MAN1A1: variants seen among roughly 807,000 people sequenced by gnomAD.
MAN1A1 encodes mannosidase alpha class 1A member 1.
Under a neutral mutation model 70.8 loss-of-function variants are expected in MAN1A1, and 29 were observed. The ratio of observed to expected loss-of-function variants is 0.41; its 90% confidence interval spans 0.31 to 0.56. The LOEUF is 0.56. MAN1A1 is among the 20% of genes least tolerant of loss of function. The pLI is 0.29. For synonymous variants in MAN1A1, 349 were observed against 330.1 expected (o/e 1.06, Z -0.62); for missense variants, 747 against 841.3 (o/e 0.89, Z 1.39).
Position 119,188,295 on chromosome 6 carries a change from G to A in MAN1A1, c.1719+110C>T, listed in dbSNP as rs937110070. ...ACAGTCCTGGGTGGAAAAAATCCTG[G>A]TCGAAGCATTAAAAATTATAGAAAA... On this transcript the variant is annotated intron_variant, in intron 11 of 12. Coordinates refer to ENST00000368468, the MANE Select transcript of MAN1A1 (RefSeq NM_005907.4). 34 of 1,029,456 alleles carry A rather than the reference G, an allele frequency of 3.3e-5. 1 individual carries two copies. In the East Asian group the frequency reaches 8.3e-4, roughly 25 times the overall value. The allele number at this position is 1,029,456 out of a possible 1,614,324, so 63.8% of individuals were successfully genotyped here. A position where few individuals can be genotyped will look rare whatever the true frequency, so the allele number is the denominator to read the frequency against.
intron 9 of MAN1A1, among the ~76,000 whole-genome samples, chr6:119,192,799 T>C (rs1773475424): frequency 2.0e-5 from 3 of 152,194 alleles, no homozygotes; most frequent in Admixed American, 2.0e-4. Flanking sequence ...CTAAAAAATT[T>C]TGTTCCTGAA....
At chr6:119,263,600 T>C (rs1775671605) in intron 5 of MAN1A1, among the ~76,000 whole-genome samples, 1 of 152,176 alleles carries the variant, frequency 6.6e-6, no homozygotes, top group Admixed American at 6.5e-5. Flanking sequence ...CTAACTTCCA[T>C]GACACGCCAT....
At chr6:119,333,376 AT>A (rs1773372226) in intron 2 of MAN1A1, among the ~76,000 whole-genome samples, 1 of 152,182 alleles carries the variant, frequency 6.6e-6, no homozygotes, top group Admixed American at 6.5e-5. Context: ...AGGGCTGCTC[AT>A]TCCCTGCTGC....
rs2558 is a variant in MAN1A1 at position 119,179,509 on chromosome 6, G to A, written c.*310C>T. ...CAGTCAAATCAAATTATAATTAAGA[G>A]GTCATCGCTATACAATTCTATTCAG... On this transcript the variant is annotated 3_prime_UTR_variant, in exon 13 of 13. Coordinates refer to ENST00000368468, the MANE Select transcript of MAN1A1 (RefSeq NM_005907.4). 0.4 allele frequency: 66,709 copies of A among 168,098 alleles called. 13,645 individuals are homozygous for A. Among genetic ancestry groups the A allele is most frequent in the South Asian group, 0.54 (3,268 of 6,040 alleles). The allele number at this position is 168,098 out of a possible 1,614,324, so 10.4% of individuals were successfully genotyped here.
chr6:119,203,347 CAG>C (rs898628549), intron 7 of MAN1A1, among the ~76,000 whole-genome samples: 3 of 151,920 alleles, frequency 2.0e-5, no homozygotes, highest in African/African-American at 4.8e-5. Context: ...GCACTCGGAA[CAG>C]AGAGAGGAGC....
At chr6:119,334,157 T>C (rs1455175340) in intron 2 of MAN1A1, among the ~76,000 whole-genome samples, 1 of 152,188 alleles carries the variant, frequency 6.6e-6, no homozygotes, top group African/African-American at 2.4e-5. Flanking sequence ...GTATGGGAAG[T>C]AAACAGAAAT....
intron 2 of MAN1A1, among the ~76,000 whole-genome samples, chr6:119,340,016 A>G (rs1383715061): frequency 6.6e-6 from 1 of 152,106 alleles, no homozygotes; most frequent in Non-Finnish European, 1.5e-5. Flanking sequence ...GCCTGAACCT[A>G]GGAGGCGGAG....
chr6:119,198,870 A>G (rs557592883), intron 8 of MAN1A1, among the ~76,000 whole-genome samples: 2 of 152,338 alleles, frequency 1.3e-5, no homozygotes, highest in East Asian at 3.9e-4. Flanking sequence ...ACAATTGTGG[A>G]TATTTTTCTT....
At chr6:119,212,908 A>G (rs1484367036) in intron 6 of MAN1A1, among the ~76,000 whole-genome samples, 1 of 152,224 alleles carries the variant, frequency 6.6e-6, no homozygotes, top group East Asian at 1.9e-4. Flanking sequence ...CAGAGTGGGT[A>G]ATCAACTGTT....
At chr6:119,317,060 G>C (rs1458731332) in intron 2 of MAN1A1, among the ~76,000 whole-genome samples, 1 of 150,270 alleles carries the variant, frequency 6.7e-6, no homozygotes, top group Non-Finnish European at 1.5e-5. Context: ...TTTCTTTTGT[G>C]TGTGTATGTT....
rs1022374333 is a variant in MAN1A1, at chr6:119,201,723, C to G, written c.1117-376G>C. The stretch of plus-strand genomic sequence containing the variant: ...TCTTGTACAAACATCATAGAGCACA[C>G]TGTCACAAATGTAGTTGGCACAGCC... On this transcript the variant is annotated intron_variant, in intron 7 of 12. Coordinates refer to ENST00000368468, the MANE Select transcript of MAN1A1 (RefSeq NM_005907.4). Among the ~76,000 whole-genome samples, 4 of 152,192 alleles carry G rather than the reference C, an allele frequency of 2.6e-5. No individual in the cohort carries two copies. In the East Asian group the frequency reaches 7.7e-4, roughly 29 times the overall value.
intron 2 of MAN1A1, among the ~76,000 whole-genome samples, chr6:119,344,036 G>A (rs923809697): frequency 6.6e-6 from 1 of 152,180 alleles, no homozygotes; most frequent in Non-Finnish European, 1.5e-5. Flanking sequence ...AAATATGTAA[G>A]TTCTTCAATG....
chr6:119,240,075 C>T (rs1296027519), intron 6 of MAN1A1, among the ~76,000 whole-genome samples: 1 of 152,114 alleles, frequency 6.6e-6, no homozygotes, highest in Non-Finnish European at 1.5e-5. Context: ...GTGGTAGATG[C>T]TATGGGAAAA....
In MAN1A1 at chr6:119,299,993, C is replaced by A. The variant is rs190861331; in HGVS notation, c.816+1995G>T. 3.3e-5 allele frequency among the ~76,000 whole-genome samples: 5 copies of A among 152,278 alleles called. No individual in the cohort carries two copies. The East Asian group carries it at 5.8e-4, about 18-fold the overall frequency. On this transcript the variant is annotated intron_variant, in intron 4 of 12. Transcript: ENST00000368468. ...TTATATTTGAGGAGGTTTGGGGCAACAATGCTACAATTACCAGATGGACCA... is the reference window on the plus strand; with the variant it reads ...TTATATTTGAGGAGGTTTGGGGCAAAAATGCTACAATTACCAGATGGACCA...
chr6:119,245,123 C>T (rs1332200086), intron 6 of MAN1A1, among the ~76,000 whole-genome samples: 2 of 152,104 alleles, frequency 1.3e-5, no homozygotes, highest in African/African-American at 4.8e-5. Flanking sequence ...TTACAGCCAG[C>T]ACATTCAGTG....
intron 8 of MAN1A1, among the ~76,000 whole-genome samples, chr6:119,196,349 GAACGTAGA>G (rs1773569202): frequency 6.7e-6 from 1 of 149,912 alleles, no homozygotes; most frequent in Admixed American, 6.6e-5. Context: ...CAAGACAAAG[GAACGTAGA>G]AGAGAAACAG....
chr6:119,232,208 T>TA (rs1057326345), intron 6 of MAN1A1, among the ~76,000 whole-genome samples: 3 of 151,540 alleles, frequency 2.0e-5, no homozygotes, highest in Admixed American at 6.6e-5. Flanking sequence ...TCGTCTCTAC[T>TA]AAAAAATGCA....
intron 5 of MAN1A1, among the ~76,000 whole-genome samples, chr6:119,259,704 A>G (rs924781581): frequency 1.3e-4 from 20 of 152,192 alleles, no homozygotes; most frequent in African/African-American, 4.1e-4. Context: ...TTTGGCATCA[A>G]TGCAATTTTT....
chr6:119,197,908 T>C (rs544167882), intron 8 of MAN1A1, among the ~76,000 whole-genome samples: 12 of 152,084 alleles, frequency 7.9e-5, no homozygotes, highest in African/African-American at 2.7e-4. Flanking sequence ...ACCCAGAAGG[T>C]GAAGCGGAGA....
Sources: allele counts gnomAD v4.1 joint callset (sites outside exome capture counted in the v4.1 genomes callset), GRCh38; gene constraint gnomAD v4.1.1; transcripts MANE v1.5; gene names NCBI Gene and HGNC (gene_info 2026-07-23, HGNC 2026-07-21).